The following UGT2B4 variants were observed in gnomAD, a reference collection of about 807,000 sequenced individuals.
UGT2B4 encodes the protein UDP glucuronosyltransferase family 2 member B4, also known as UDP-glucuronosyltransferase 2B4.
UGT2B4 carries 49 observed loss-of-function variants against 49.8 expected under a neutral mutation model. That is an observed-to-expected ratio of 0.98 (90% CI 0.78 to 1.25). UGT2B4 has a LOEUF of 1.25. UGT2B4 is among the 50% of genes most tolerant of loss of function. The pLI is 0.00. For missense variants in UGT2B4, 729 were observed against 627.7 expected, an observed-to-expected ratio of 1.16 and a Z score of -1.73; for synonymous variants, 246 against 217.7, an observed-to-expected ratio of 1.13 and a Z score of -1.14.
intron 1 of UGT2B4, among the ~76,000 whole-genome samples, chr4:69,510,411 C>G (rs958603826): frequency 2.0e-5 from 3 of 152,090 alleles, no homozygotes; most frequent in African/African-American, 7.2e-5. Flanking sequence ...TGTCATGGGT[C>G]TTTTAATAGG....
intron 1 of UGT2B4, among the ~76,000 whole-genome samples, chr4:69,517,299 A>C (rs550458805): frequency 6.6e-6 from 1 of 152,310 alleles, no homozygotes; most frequent in Non-Finnish European, 1.5e-5. Flanking sequence ...TAAAACTATC[A>C]AAAAAGGATT....
upstream of UGT2B4, among the ~76,000 whole-genome samples, chr4:69,500,614 A>AAAGCAAG (rs1230531198): frequency 1.9e-3 from 218 of 114,736 alleles, no homozygotes; most frequent in Non-Finnish European, 2.9e-3. Flanking sequence ...AGGAAGAAAG[A>AAAGCAAG]AAGAAAGAAA....
At position 69,480,738 on chromosome 4, in the gene UGT2B4, CAGTCACATCCAAAGAGTGGTACTGGA is replaced by C; in HGVS notation, c.1457_1482del (p.Phe486TrpfsTer26). The stretch of plus-strand genomic sequence containing the variant: ...GTTGCCACACAGGCCAGCAGGAACC[CAGTCACATCCAAAGAGTGGTACTGGA>C]ACCAGGTGAGGTCGTGGGCTGCAAC... On this transcript the variant is annotated frameshift_variant, in exon 6 of 6. Coordinates refer to ENST00000305107, the MANE Select transcript of UGT2B4 (RefSeq NM_021139.3). LOFTEE classifies it high-confidence loss of function. The C allele has an allele frequency of 6.2e-7, 1 of 1,613,974 alleles. No homozygotes were observed. The highest frequency in any genetic ancestry group is 1.7e-4 in the Middle Eastern group (1 of 6,060).
chr4:69,519,512 G>C (rs888975299), intron 1 of UGT2B4, among the ~76,000 whole-genome samples: 30 of 152,148 alleles, frequency 2.0e-4, no homozygotes, highest in African/African-American at 7.0e-4. Flanking sequence ...TTCTGTGAAA[G>C]GAAAATAAAT....
intron 1 of UGT2B4, among the ~76,000 whole-genome samples, chr4:69,522,236 T>C (rs1443073432): frequency 6.6e-6 from 1 of 152,110 alleles, no homozygotes; most frequent in African/African-American, 2.4e-5. Context: ...TTCACACACA[T>C]ACACACAATC....
Position 69,495,249 on chromosome 4 carries a change from T to C in UGT2B4, c.613A>G (p.Met205Val). The C allele has an allele frequency of 6.2e-7, 1 of 1,612,656 alleles. No individual in the cohort carries two copies. Residue 205 changes from methionine to valine, a missense_variant, in exon 1 of 6, where the codon ATG becomes GTG. Physicochemically the swap from Met to Val is conservative, Grantham distance 21. Transcript: ENST00000305107. Reference sequence around the variant, plus strand: ...TTTTTTACCCTCTCTATGAAAGTCATTTGGTCACTTAGTTCTGACATAACA... The same window carrying C: ...TTTTTTACCCTCTCTATGAAAGTCACTTGGTCACTTAGTTCTGACATAACA... ...PVVMSELSDQ[M>V]TFIERVKNMI... is the part of the protein sequence containing the mutation.
chr4:69,486,454 C>A (rs1727786848), intron 4 of UGT2B4, 155 bp downstream of exon 4: 5 of 367,638 alleles, frequency 1.4e-5, no homozygotes, highest in South Asian at 7.3e-5. Context: ...ACAATTTATT[C>A]TTTTCCCCCG....
At chr4:69,522,341 G>A (rs374142251) in intron 1 of UGT2B4, among the ~76,000 whole-genome samples, 9 of 152,152 alleles carry the variant, frequency 5.9e-5, no homozygotes, top group African/African-American at 2.2e-4. Context: ...CTATCCGTTA[G>A]GTGGGAGGTA....
At chr4:69,521,073 A>G (rs11729679) in intron 1 of UGT2B4, among the ~76,000 whole-genome samples, 53,387 of 151,988 alleles carry the variant, frequency 0.35, 9,463 homozygotes, top group Non-Finnish European at 0.37. Context: ...TGGGATGACC[A>G]GCCTGTGGAA....
intron 1 of UGT2B4, among the ~76,000 whole-genome samples, chr4:69,519,075 G>A (rs188081711): frequency 2.0e-5 from 3 of 152,320 alleles, no homozygotes; most frequent in African/African-American, 7.2e-5. Context: ...GGATCACAGA[G>A]AAAGTTGAGA....
At chr4:69,493,922 G>A (rs1053938673) in intron 1 of UGT2B4, 81 bp from the exon 2 acceptor site, 9 of 1,490,976 alleles carry the variant, frequency 6.0e-6, no homozygotes, top group Middle Eastern at 1.8e-4. Context: ...TTAGAATAAT[G>A]TGGGCAAAAA....
chr4:69,510,792 T>C (rs954435426), intron 1 of UGT2B4, among the ~76,000 whole-genome samples: 1 of 152,066 alleles, frequency 6.6e-6, no homozygotes, highest in African/African-American at 2.4e-5. Flanking sequence ...TTCTGTGTTA[T>C]ATACTTTTAT....
At chr4:69,515,458 A>C (rs1308793759) in intron 1 of UGT2B4, among the ~76,000 whole-genome samples, 2 of 152,326 alleles carry the variant, frequency 1.3e-5, no homozygotes, top group East Asian at 3.9e-4. Flanking sequence ...GAGTTCTTTA[A>C]CTAATGAGAA....
intron 2 of UGT2B4, among the ~76,000 whole-genome samples, chr4:69,492,524 AG>A (rs1261380803): frequency 6.6e-6 from 1 of 152,112 alleles, no homozygotes; most frequent in Non-Finnish European, 1.5e-5. Context: ...ACAAGTCTAC[AG>A]GGTATCTGTC....
At chr4:69,503,345 C>T (rs1728391421) in intron 1 of UGT2B4, among the ~76,000 whole-genome samples, 1 of 152,268 alleles carries the variant, frequency 6.6e-6, no homozygotes. Flanking sequence ...CAAGGTGGCC[C>T]CTATAGCCAT....
chr4:69,511,974 T>C (rs961196277), intron 1 of UGT2B4, among the ~76,000 whole-genome samples: 5 of 152,022 alleles, frequency 3.3e-5, no homozygotes, highest in African/African-American at 1.2e-4. Context: ...TCTTATAATC[T>C]TTTCTATTCT....
chr4:69,510,978 T>C (rs1158046176), intron 1 of UGT2B4, among the ~76,000 whole-genome samples: 2 of 112,708 alleles, frequency 1.8e-5, no homozygotes, highest in East Asian at 3.1e-4. Context: ...ATACTCTTTC[T>C]TTTCTTTTCT....
chr4:69,495,689 G>T lies in UGT2B4; in HGVS notation c.173C>A (p.Ser58Tyr), dbSNP rs1422791957. 6.2e-7 allele frequency: 1 copy of T among 1,614,032 alleles called. No individual in the cohort carries two copies. ...QRGHEVTVLA[S>Y]SASISFDPNS... ...GGGATCGAAAGAAATGGAAGCTGAA[G>T]ATGCCAATACAGTCACCTCATGACC... is the stretch of plus-strand genomic sequence containing the variant. Residue 58 changes from serine (S) to tyrosine (Y), a missense_variant, in exon 1 of 6, where the codon TCT becomes TAT. Transcript: ENST00000305107.
At position 69,485,695 on chromosome 4, in the gene UGT2B4, G is replaced by T. The variant is rs527730524; in HGVS notation, c.1091-268C>A. On this transcript the variant is annotated intron_variant, in intron 4 of 5. Coordinates refer to ENST00000305107, the MANE Select transcript of UGT2B4 (RefSeq NM_021139.3). ...CAATTTAGATAAGGAAACATCATGT[G>T]CAGAAAAGAAAAAAAGCACAGAAAA... Among the ~76,000 whole-genome samples the T allele has an allele frequency of 5.9e-5, 9 of 151,936 alleles. No homozygotes were observed. The East Asian group carries it at 1.7e-3, about 29-fold the overall frequency.
Sources: allele counts gnomAD v4.1 joint callset (sites outside exome capture counted in the v4.1 genomes callset), GRCh38; gene constraint gnomAD v4.1.1; transcripts MANE v1.5; gene names NCBI Gene and HGNC (gene_info 2026-07-23, HGNC 2026-07-21).